The following NBEA variants were observed in gnomAD, a reference collection of about 807,000 sequenced individuals.
The protein encoded by NBEA is lysosomal-trafficking regulator 2.
Under a neutral mutation model 343.4 loss-of-function variants are expected in NBEA, and 44 were observed. The observed-to-expected ratio is 0.13, with a 90% confidence interval of 0.10 to 0.16. The LOEUF (loss-of-function observed/expected upper bound fraction) is 0.16. Ranked by LOEUF, NBEA falls within the 10% of genes least tolerant of loss-of-function variation. NBEA has a pLI of 1.00. For synonymous variants in NBEA, 1,175 were observed against 1,238.7 expected, an observed-to-expected ratio of 0.95 and a Z score of 1.08; for missense variants, 2,555 against 3,631.3, an observed-to-expected ratio of 0.70 and a Z score of 7.62.
chr13:35,409,621 TATC>T (rs2043469997), intron 38 of NBEA, among the ~76,000 whole-genome samples: 1 of 152,178 alleles, frequency 6.6e-6, no homozygotes, highest in Non-Finnish European at 1.5e-5. Context: ...AATAATAAGT[TATC>T]ATACTTTAAC....
chr13:35,378,525 G>A (rs139618734), intron 38 of NBEA, among the ~76,000 whole-genome samples: 31 of 152,048 alleles, frequency 2.0e-4, no homozygotes, highest in African/African-American at 7.0e-4. Context: ...AGCCTTTTAG[G>A]TCTTGGGTAA....
At position 35,253,395 on chromosome 13, in the gene NBEA, T is replaced by C. The variant is rs1265854425; in HGVS notation, c.5776+20776T>C. Among the ~76,000 whole-genome samples the C allele has an allele frequency of 5.3e-5, 8 of 152,358 alleles. No homozygotes were observed. In the East Asian group the frequency reaches 1.5e-3, roughly 29 times the overall value. The stretch of plus-strand genomic sequence containing the variant: ...TAAATTAAGGTATGTACTTTGTGAT[T>C]GTTAGCCATAGTGATATCACACACT... On this transcript the variant is annotated intron_variant, in intron 34 of 58. Coordinates refer to ENST00000379939, the MANE Select transcript of NBEA (RefSeq NM_001385012.1).
chr13:35,520,119 A>C (rs543080265), intron 41 of NBEA, among the ~76,000 whole-genome samples: 2 of 152,184 alleles, frequency 1.3e-5, no homozygotes, highest in East Asian at 1.9e-4. Flanking sequence ...AGAGCATCCA[A>C]CCTAGATCCC....
intron 1 of NBEA, among the ~76,000 whole-genome samples, chr13:35,011,451 G>A (rs1363941230): frequency 6.6e-6 from 1 of 152,072 alleles, no homozygotes; most frequent in Non-Finnish European, 1.5e-5. Context: ...ACAAATTCTT[G>A]CTATTACTTG....
In NBEA at chr13:35,339,112, A is replaced by G. The variant is rs539268225; in HGVS notation, c.5904-9996A>G. 3.9e-5 allele frequency among the ~76,000 whole-genome samples: 6 copies of G among 152,250 alleles called. No individual in the cohort carries two copies. The South Asian group carries it at 1.2e-3, about 32-fold the overall frequency. On this transcript the variant is annotated intron_variant, in intron 36 of 58. Transcript: ENST00000379939. ...GAAGAAGACAACAATGGCCACTAAT[A>G]CTAGTGCTATTCAACATTATACTGC... is the stretch of plus-strand genomic sequence containing the variant.
Position 35,471,747 on chromosome 13 carries a change from T to A in NBEA, c.6449-653T>A, listed in dbSNP as rs74041751. On this transcript the variant is annotated intron_variant, in intron 40 of 58. Transcript: ENST00000379939. ...AACCGTTTTGTTCAAGCGTCTTACA[T>A]TTTCATCACTTTTGATATATTCTCT... Among the ~76,000 whole-genome samples, 705 of 152,304 alleles carry A rather than the reference T, an allele frequency of 4.6e-3. 6 individuals carry two copies. The highest frequency in any genetic ancestry group is 0.016 in the African/African-American group (674 of 41,566).
At chr13:35,565,951 C>T (rs2080118184) in intron 44 of NBEA, among the ~76,000 whole-genome samples, 1 of 152,146 alleles carries the variant, frequency 6.6e-6, no homozygotes, top group African/African-American at 2.4e-5. Context: ...AGTTTCTCAT[C>T]CTAGCTTCAG....
chr13:35,594,899 A>G (rs1398645301), intron 47 of NBEA, among the ~76,000 whole-genome samples: 1 of 151,636 alleles, frequency 6.6e-6, no homozygotes, highest in Non-Finnish European at 1.5e-5. Flanking sequence ...TCCATATTAT[A>G]TCAGCCTATT....
intron 33 of NBEA, among the ~76,000 whole-genome samples, chr13:35,231,997 G>T (rs1454270128): frequency 2.0e-5 from 3 of 152,114 alleles, no homozygotes; most frequent in African/African-American, 7.2e-5. Flanking sequence ...AAAGTAAATA[G>T]GCTTATGAAA....
intron 49 of NBEA, among the ~76,000 whole-genome samples, chr13:35,632,735 A>G (rs1165238907): frequency 1.3e-5 from 2 of 152,054 alleles, no homozygotes; most frequent in African/African-American, 4.8e-5. Context: ...CTGAGATTAT[A>G]GACACCCACA....
At chr13:35,620,941 T>G (rs1210549620) in intron 48 of NBEA, among the ~76,000 whole-genome samples, 2 of 152,174 alleles carry the variant, frequency 1.3e-5, no homozygotes, top group Non-Finnish European at 2.9e-5. Flanking sequence ...TAAATCCATC[T>G]TAGCAGAACA....
chr13:35,252,340 G>A (rs2032077945), intron 34 of NBEA, among the ~76,000 whole-genome samples: 1 of 152,170 alleles, frequency 6.6e-6, no homozygotes, highest in South Asian at 2.1e-4. Context: ...GCTCTGCCAG[G>A]TCCCTCTCTT....
At chr13:35,612,418 C>T (rs970192740) in intron 48 of NBEA, among the ~76,000 whole-genome samples, 2 of 152,144 alleles carry the variant, frequency 1.3e-5, no homozygotes, top group African/African-American at 4.8e-5. Context: ...AGGCGTGAGC[C>T]ACGGCGCCTG....
intron 1 of NBEA, among the ~76,000 whole-genome samples, chr13:34,948,401 A>G (rs1957605852): frequency 6.6e-6 from 1 of 152,178 alleles, no homozygotes; most frequent in Non-Finnish European, 1.5e-5. Flanking sequence ...TAAATTCTTA[A>G]GAGTTGTAGG....
At chr13:34,992,198 ATGTGTG>A (rs58578283) in intron 1 of NBEA, among the ~76,000 whole-genome samples, 4 of 138,786 alleles carry the variant, frequency 2.9e-5, no homozygotes, top group East Asian at 2.1e-4. Flanking sequence ...GTGTATATAT[ATGTGTG>A]TGTGTGTGTG....
intron 30 of NBEA, chr13:35,186,549 G>A (rs1197596902): frequency 6.6e-6 from 1 of 152,112 alleles, no homozygotes; most frequent in African/African-American, 2.4e-5. Flanking sequence ...ATACCTGTGT[G>A]ACACTACTTT....
At chr13:35,633,220 A>G (rs1038294129) in intron 49 of NBEA, among the ~76,000 whole-genome samples, 6 of 151,426 alleles carry the variant, frequency 4.0e-5, no homozygotes, top group African/African-American at 1.2e-4. Flanking sequence ...CTCCTGCCTC[A>G]GCCTCCCAAG....
intron 45 of NBEA, among the ~76,000 whole-genome samples, chr13:35,570,137 G>A (rs921433069): frequency 7.2e-5 from 11 of 152,140 alleles, no homozygotes; most frequent in Non-Finnish European, 1.3e-4. Context: ...AGGTTCAAGC[G>A]ATTCTCCTGC....
chr13:35,537,807 G>A lies in NBEA; in HGVS notation c.6586-12670G>A, dbSNP rs575075064. 3.9e-5 allele frequency among the ~76,000 whole-genome samples: 6 copies of A among 152,294 alleles called. No homozygotes were observed. In the East Asian group the frequency reaches 9.7e-4, roughly 25 times the overall value. Reference sequence around the variant, plus strand: ...AAAGGCCAGTGTGGCTTGACCTCAAGGGCAAAGTGGAACCTGATTCATCTG... The same window carrying A: ...AAAGGCCAGTGTGGCTTGACCTCAAAGGCAAAGTGGAACCTGATTCATCTG... On this transcript the variant is annotated intron_variant, in intron 41 of 58. Coordinates refer to ENST00000379939, the MANE Select transcript of NBEA (RefSeq NM_001385012.1).
Sources: allele counts gnomAD v4.1 joint callset (sites outside exome capture counted in the v4.1 genomes callset), GRCh38; gene constraint gnomAD v4.1.1; transcripts MANE v1.5; gene names NCBI Gene and HGNC (gene_info 2026-07-23, HGNC 2026-07-21).